Variants in KIF2A observed in about 807,000 individuals in gnomAD.
KIF2A encodes the protein kinesin family member 2A, also known as kinesin-like protein KIF2A.
Under a neutral mutation model 100.2 loss-of-function variants are expected in KIF2A, and 22 were observed. The ratio of observed to expected loss-of-function variants is 0.22; its 90% confidence interval spans 0.16 to 0.31. The LOEUF is 0.31. KIF2A is among the 10% of genes least tolerant of loss of function. The pLI is 1.00. For missense variants in KIF2A, 495 were observed against 898.7 expected, an observed-to-expected ratio of 0.55 and a Z score of 5.74; for synonymous variants, 268 against 285.9, an observed-to-expected ratio of 0.94 and a Z score of 0.63.
chr5:62,339,697 TGTA>T (rs1447667011), intron 1 of KIF2A, among the ~76,000 whole-genome samples: 1 of 150,720 alleles, frequency 6.6e-6, no homozygotes, highest in Admixed American at 6.6e-5. Context: ...AATACTATAT[TGTA>T]GTGAAAATGA....
At chr5:62,366,723 C>G in intron 16 of KIF2A, among the ~76,000 whole-genome samples, 1 of 151,184 alleles carries the variant, frequency 6.6e-6, no homozygotes, top group African/African-American at 2.4e-5. Flanking sequence ...CCCAGCTACT[C>G]GGGAAGCTGA....
intron 20 of KIF2A, 85 bp downstream of exon 20, chr5:62,381,338 G>T: frequency 9.2e-7 from 1 of 1,092,468 alleles, no homozygotes; most frequent in Non-Finnish European, 1.3e-6. Flanking sequence ...ATTGCAAGAG[G>T]ACATACGAAG....
chr5:62,384,173 C>T (rs958571958), intron 20 of KIF2A, among the ~76,000 whole-genome samples: 6 of 151,978 alleles, frequency 3.9e-5, no homozygotes, highest in East Asian at 1.9e-4. Flanking sequence ...GGGCAGGGGG[C>T]GGAGGGCGGA....
At chr5:62,381,943 A>G (rs1468471520) in intron 20 of KIF2A, among the ~76,000 whole-genome samples, 3 of 152,168 alleles carry the variant, frequency 2.0e-5, no homozygotes, top group Admixed American at 2.0e-4. Context: ...CATGTGCCTT[A>G]CCTACTAAGT....
At position 62,353,276 on chromosome 5, in the gene KIF2A, A is replaced by G; in HGVS notation, c.459A>G (p.Ser153=). The G allele has an allele frequency of 6.5e-7, 1 of 1,535,870 alleles. No homozygotes were observed. ...CTACAGCTCATCTTTTCTTTTCAGC[A>G]CGTAGAAAATCTAATTGTGTGAAAG... ...QAAKKEFGPP[S]RRKSNCVKEV... The change falls in exon 6 of 21, where the codon TCA becomes TCG. Residue 153 remains serine (S), a splice_region_variant and synonymous_variant. Coordinates refer to ENST00000407818, the MANE Select transcript of KIF2A (RefSeq NM_001098511.3).
chr5:62,368,190 G>A (rs1183203344), intron 16 of KIF2A, among the ~76,000 whole-genome samples: 2 of 151,794 alleles, frequency 1.3e-5, no homozygotes, highest in African/African-American at 2.4e-5. Context: ...CACAAATCCT[G>A]AATAACATGC....
intron 1 of KIF2A, among the ~76,000 whole-genome samples, chr5:62,334,074 A>G (rs571152638): frequency 1.6e-4 from 25 of 152,110 alleles, no homozygotes; most frequent in Non-Finnish European, 1.2e-4. Context: ...CAGCTTGCCA[A>G]TGTTCCTGTC....
chr5:62,322,190 A>G (rs1020048610), intron 1 of KIF2A, among the ~76,000 whole-genome samples: 1 of 152,174 alleles, frequency 6.6e-6, no homozygotes, highest in African/African-American at 2.4e-5. Flanking sequence ...TCAGCCTCTC[A>G]GAAGTGCTGG....
At chr5:62,382,139 G>A (rs1171969873) in intron 20 of KIF2A, among the ~76,000 whole-genome samples, 1 of 152,182 alleles carries the variant, frequency 6.6e-6, no homozygotes, top group African/African-American at 2.4e-5. Flanking sequence ...CAGTAAATAA[G>A]CTGCTTAATT....
chr5:62,325,296 G>A (rs1387048877), intron 1 of KIF2A, among the ~76,000 whole-genome samples: 1 of 151,934 alleles, frequency 6.6e-6, no homozygotes, highest in African/African-American at 2.4e-5. Flanking sequence ...GCTAATTTTT[G>A]TATTTATAGT....
intron 14 of KIF2A, 150 bp from the exon 15 acceptor site, chr5:62,365,092 CA>C (rs200185370): frequency 6.4e-3 from 2,553 of 398,376 alleles, no homozygotes; most frequent in South Asian, 0.012. Flanking sequence ...GACTTTGTCT[CA>C]AAAAAAAAAT....
chr5:62,366,570 G>A (rs903651143), intron 16 of KIF2A, 89 bp downstream of exon 16: 22 of 774,664 alleles, frequency 2.8e-5, no homozygotes, highest in Admixed American at 2.1e-4. Context: ...GGTGGCTCAC[G>A]CCTGTAATCC....
chr5:62,326,274 T>G (rs1746375388), intron 1 of KIF2A, among the ~76,000 whole-genome samples: 1 of 152,160 alleles, frequency 6.6e-6, no homozygotes, highest in African/African-American at 2.4e-5. Flanking sequence ...GTATTTGTAT[T>G]CTGTCTGTTG....
chr5:62,359,468 A>G (rs1748278921), intron 9 of KIF2A, among the ~76,000 whole-genome samples: 1 of 150,566 alleles, frequency 6.6e-6, no homozygotes, highest in Non-Finnish European at 1.5e-5. Flanking sequence ...AAAAAAAAAA[A>G]GGATCAAATT....
chr5:62,331,713 T>C (rs1746658593), intron 1 of KIF2A, among the ~76,000 whole-genome samples: 1 of 150,802 alleles, frequency 6.6e-6, no homozygotes, highest in Non-Finnish European at 1.5e-5. Context: ...TTGCCATATG[T>C]ATGGTCATAT....
intron 1 of KIF2A, among the ~76,000 whole-genome samples, chr5:62,344,285 AGT>A (rs930202920): frequency 1.3e-5 from 2 of 151,588 alleles, no homozygotes; most frequent in African/African-American, 4.9e-5. Flanking sequence ...TGGAGGTTGC[AGT>A]GAGCCGAGCG....
At chr5:62,380,976 G>C in intron 19 of KIF2A, 142 bp from the exon 20 acceptor site, 2 of 646,862 alleles carry the variant, frequency 3.1e-6, no homozygotes, top group Non-Finnish European at 5.3e-6. Context: ...TAATTATACT[G>C]TCTGTGAATA....
intron 1 of KIF2A, among the ~76,000 whole-genome samples, chr5:62,344,756 G>A (rs927998721): frequency 8.5e-5 from 13 of 152,168 alleles, no homozygotes; most frequent in African/African-American, 3.1e-4. Context: ...TTTATGGAAT[G>A]CTTTGTGGTT....
In KIF2A at chr5:62,385,479, C is replaced by T; in HGVS notation, c.2150-5C>T. ...CTTATTCCCTCTTTCTTTTCTTTTT[C>T]CAAGATAAAGTGAAATCTTTCCGTG... is the stretch of plus-strand genomic sequence containing the variant. On this transcript the variant is annotated splice_region_variant and splice_polypyrimidine_tract_variant and intron_variant, in intron 20 of 20. Coordinates refer to ENST00000407818, the MANE Select transcript of KIF2A (RefSeq NM_001098511.3). 1 of 1,565,362 alleles carries T rather than the reference C, an allele frequency of 6.4e-7. No individual in the cohort carries two copies. The highest frequency in any genetic ancestry group is 1.2e-5 in the South Asian group (1 of 85,156).
Sources: gnomAD v4.1 joint callset for allele counts (sites outside exome capture counted in the v4.1 genomes callset) on GRCh38, gnomAD v4.1.1 for gene constraint, MANE v1.5 for transcripts, NCBI Gene and HGNC (gene_info 2026-07-23, HGNC 2026-07-21) for gene names.